ECHDC1: variants seen among roughly 807,000 people sequenced by gnomAD.
The protein encoded by ECHDC1 is ethylmalonyl-CoA decarboxylase 1, also known as ethylmalonyl-CoA decarboxylase.
A neutral mutation model predicts 29.7 loss-of-function variants in ECHDC1; 29 were observed. The ratio of observed to expected loss-of-function variants is 0.98; its 90% CI spans 0.73 to 1.33. The LOEUF (loss-of-function observed/expected upper bound fraction) is 1.33. ECHDC1 is among the 40% of genes most tolerant of loss of function. The pLI, the probability that ECHDC1 is intolerant of heterozygous loss-of-function variation, is 0.00. For synonymous variants in ECHDC1, 126 were observed against 123.1 expected, an observed-to-expected ratio of 1.02 and a Z score of -0.15; for missense variants, 328 against 350.0, an observed-to-expected ratio of 0.94 and a Z score of 0.50.
intron 5 of ECHDC1, among the ~76,000 whole-genome samples, chr6:127,302,538 T>C (rs1377384327): frequency 2.0e-5 from 3 of 152,026 alleles, no homozygotes; most frequent in Non-Finnish European, 4.4e-5. Flanking sequence ...TAGCTGGAAT[T>C]ACAGGCGCCT....
intron 1 of ECHDC1, among the ~76,000 whole-genome samples, chr6:127,341,148 T>C (rs1252938142): frequency 1.3e-5 from 2 of 152,220 alleles, no homozygotes; most frequent in Admixed American, 6.5e-5. Context: ...TCTTCTCTCA[T>C]TCTATTCCCT....
intron 5 of ECHDC1, among the ~76,000 whole-genome samples, chr6:127,290,779 C>CA (rs1780100855): frequency 6.6e-6 from 1 of 152,074 alleles, no homozygotes; most frequent in South Asian, 2.1e-4. Flanking sequence ...ATGACCAAAA[C>CA]AAAACCCTTG....
chr6:127,342,269 A>G (rs1785018381), intron 1 of ECHDC1: 7 of 1,392,222 alleles, frequency 5.0e-6, no homozygotes, highest in Non-Finnish European at 5.8e-6. Flanking sequence ...GTGCCTAAAG[A>G]TAATATTCTT....
At chr6:127,341,321 C>T (rs1215634132) in intron 1 of ECHDC1, among the ~76,000 whole-genome samples, 2 of 152,146 alleles carry the variant, frequency 1.3e-5, no homozygotes, top group African/African-American at 4.8e-5. Flanking sequence ...CGTCCCAGTT[C>T]TAAATTCAGA....
At chr6:127,317,713 C>T (rs1782507248) in intron 3 of ECHDC1, among the ~76,000 whole-genome samples, 1 of 152,178 alleles carries the variant, frequency 6.6e-6, no homozygotes, top group South Asian at 2.1e-4. Context: ...CTATGTTTGA[C>T]TTTCCCGTTT....
chr6:127,292,513 A>G (rs1780280381), intron 5 of ECHDC1, among the ~76,000 whole-genome samples: 1 of 152,046 alleles, frequency 6.6e-6, no homozygotes, highest in Admixed American at 6.6e-5. Context: ...ATGTACTGAT[A>G]TACATTAAAT....
chr6:127,311,851 A>G (rs775682946), intron 5 of ECHDC1, among the ~76,000 whole-genome samples: 8 of 151,496 alleles, frequency 5.3e-5, no homozygotes, highest in Non-Finnish European at 1.2e-4. Flanking sequence ...TAGATTAATT[A>G]CAAGTATTGT....
chr6:127,341,203 T>C (rs553145145), intron 1 of ECHDC1, among the ~76,000 whole-genome samples: 2 of 152,292 alleles, frequency 1.3e-5, no homozygotes, highest in Non-Finnish European at 2.9e-5. Flanking sequence ...ATATTCCTTG[T>C]CTGTGCCAGA....
At chr6:127,313,735 C>T (rs909682194) in intron 5 of ECHDC1, 1 of 350,780 alleles carries the variant, frequency 2.9e-6, no homozygotes, top group Non-Finnish European at 5.7e-6. Flanking sequence ...AATGAAAAGA[C>T]AATGAGTTTC....
At chr6:127,316,711 G>A (rs1782412020) in intron 3 of ECHDC1, among the ~76,000 whole-genome samples, 1 of 151,894 alleles carries the variant, frequency 6.6e-6, no homozygotes, top group South Asian at 2.1e-4. Flanking sequence ...GCTCAGCTTT[G>A]CATGAGGTAT....
intron 1 of ECHDC1, among the ~76,000 whole-genome samples, chr6:127,336,511 A>G (rs1477000872): frequency 6.6e-6 from 1 of 152,182 alleles, no homozygotes; most frequent in Non-Finnish European, 1.5e-5. Flanking sequence ...GTCTATGGAA[A>G]GGAAGTATTT....
chr6:127,310,272 G>C (rs1781798088), intron 5 of ECHDC1, among the ~76,000 whole-genome samples: 1 of 152,024 alleles, frequency 6.6e-6, no homozygotes, highest in African/African-American at 2.4e-5. Flanking sequence ...AAGGGTAAAT[G>C]CTTGAGGGGA....
In ECHDC1 at chr6:127,316,447, T is replaced by C. The variant is rs1228134658; in HGVS notation, c.416+3A>G. ...TCATATTTTAAAAAGAAGGCTGCAT[T>C]ACCTCATAAATCTTGTTAAGGTGTT... is the stretch of plus-strand genomic sequence containing the variant. On this transcript the variant is annotated splice_donor_region_variant and intron_variant, in intron 4 of 5. Coordinates refer to ENST00000454859, the MANE Select transcript of ECHDC1 (RefSeq NM_001002030.2). 3 of 1,601,796 alleles carry C rather than the reference T, an allele frequency of 1.9e-6. No homozygotes were observed. The highest frequency in any genetic ancestry group is 3.5e-5 in the Admixed American group (2 of 57,886).
intron 5 of ECHDC1, among the ~76,000 whole-genome samples, chr6:127,302,598 C>G (rs1781136756): frequency 6.6e-6 from 1 of 152,014 alleles, no homozygotes; most frequent in South Asian, 2.1e-4. Flanking sequence ...CGGGTTTTCA[C>G]CAAGTTGGCC....
chr6:127,336,059 A>C (rs1310038141), intron 1 of ECHDC1, among the ~76,000 whole-genome samples: 1 of 152,122 alleles, frequency 6.6e-6, no homozygotes, highest in Non-Finnish European at 1.5e-5. Context: ...ATTTTCAGTT[A>C]ATTCAAGGTA....
chr6:127,301,791 T>A (rs1199137913), intron 5 of ECHDC1, among the ~76,000 whole-genome samples: 2 of 152,224 alleles, frequency 1.3e-5, no homozygotes, highest in Non-Finnish European at 2.9e-5. Context: ...TTCTTCATTT[T>A]TAAAGAAACT....
chr6:127,296,129 C>T (rs762929195), intron 5 of ECHDC1, among the ~76,000 whole-genome samples: 24 of 152,220 alleles, frequency 1.6e-4, no homozygotes, highest in Admixed American at 2.6e-4. Context: ...GGCTTTTAAA[C>T]TACCACTTGA....
intron 5 of ECHDC1, among the ~76,000 whole-genome samples, chr6:127,311,631 G>GCCATTGCA (rs1781912999): frequency 1.6e-5 from 2 of 127,884 alleles, no homozygotes; most frequent in African/African-American, 6.1e-5. Flanking sequence ...CTGAGATCGT[G>GCCATTGCA]CCATTGCACT....
chr6:127,337,545 T>C (rs1174674793), intron 1 of ECHDC1, among the ~76,000 whole-genome samples: 1 of 152,240 alleles, frequency 6.6e-6, no homozygotes, highest in African/African-American at 2.4e-5. Context: ...TTCTTAAATG[T>C]ATTTGATTGA....
Sources: allele counts gnomAD v4.1 joint callset (sites outside exome capture counted in the v4.1 genomes callset), GRCh38; gene constraint gnomAD v4.1.1; transcripts MANE v1.5; gene names NCBI Gene and HGNC (gene_info 2026-07-23, HGNC 2026-07-21).